CSPP1: variants seen among roughly 807,000 people sequenced by gnomAD.
CSPP1 encodes centrosome and spindle pole associated protein 1, also known as centrosome and spindle pole-associated protein 1.
A neutral mutation model predicts 164.4 loss-of-function variants in CSPP1; 126 were observed. That is an observed-to-expected ratio of 0.77 (90% confidence interval 0.66 to 0.89). CSPP1 has a LOEUF of 0.89. CSPP1 is among the 40% of genes least tolerant of loss of function. The probability of loss-of-function intolerance (pLI) is 0.00; values close to 1 mark genes in which losing one functional copy is unlikely to be tolerated. For synonymous variants in CSPP1, 472 were observed against 476.7 expected (o/e 0.99, Z 0.13); for missense variants, 1,395 against 1,449.8 (o/e 0.96, Z 0.61).
At chr8:67,079,658 T>G (rs1261895421) in intron 3 of CSPP1, among the ~76,000 whole-genome samples, 1 of 152,270 alleles carries the variant, frequency 6.6e-6, no homozygotes, top group Non-Finnish European at 1.5e-5. Context: ...TCAAACCCTT[T>G]GATGGCTTCT....
At chr8:67,067,541 G>A (rs1805832677) in intron 1 of CSPP1, among the ~76,000 whole-genome samples, 1 of 152,086 alleles carries the variant, frequency 6.6e-6, no homozygotes, top group Admixed American at 6.5e-5. Flanking sequence ...TCAGCTCACT[G>A]CAAGCTCTGC....
chr8:67,107,983 G>GTTTTTT (rs34204898), intron 9 of CSPP1, among the ~76,000 whole-genome samples: 29 of 127,134 alleles, frequency 2.3e-4, no homozygotes, highest in Non-Finnish European at 2.8e-4. Context: ...CTTTGACAAA[G>GTTTTTT]TTTTTTTTTT....
intron 17 of CSPP1, among the ~76,000 whole-genome samples, chr8:67,140,679 G>A (rs1278198468): frequency 6.6e-6 from 1 of 152,184 alleles, no homozygotes; most frequent in East Asian, 1.9e-4. Context: ...AATGGAAAGT[G>A]CTGTAATAAT....
intron 19 of CSPP1, chr8:67,157,871 A>G (rs1586590821): frequency 1.3e-5 from 2 of 152,282 alleles, no homozygotes; most frequent in South Asian, 4.1e-4. Context: ...AGTCCTTGTG[A>G]CCTAAATCCT....
At chr8:67,148,022 G>T (rs1393911317) in intron 17 of CSPP1, among the ~76,000 whole-genome samples, 1 of 150,964 alleles carries the variant, frequency 6.6e-6, no homozygotes, top group Non-Finnish European at 1.5e-5. Flanking sequence ...CGGCTTAAGT[G>T]ATCCTCCCAC....
At chr8:67,167,118 ACTT>A (rs1829470509) in intron 24 of CSPP1, among the ~76,000 whole-genome samples, 1 of 152,202 alleles carries the variant, frequency 6.6e-6, no homozygotes, top group Non-Finnish European at 1.5e-5. Context: ...TCCTATGTCT[ACTT>A]CTTTCTACAC....
intron 28 of CSPP1, among the ~76,000 whole-genome samples, chr8:67,188,315 G>A (rs990969291): frequency 7.9e-5 from 12 of 152,180 alleles, no homozygotes; most frequent in Non-Finnish European, 1.8e-4. Context: ...GGCCGACTAA[G>A]AATTCCTAAG....
At chr8:67,167,665 C>T (rs1317696814) in intron 24 of CSPP1, among the ~76,000 whole-genome samples, 17 of 146,328 alleles carry the variant, frequency 1.2e-4, no homozygotes, top group East Asian at 2.1e-4. Flanking sequence ...GACAGGGTTG[C>T]GGCCGGGCAG....
chr8:67,175,142 A>G (rs769550098), intron 25 of CSPP1, 154 bp from the exon 26 acceptor site: 132 of 638,320 alleles, frequency 2.1e-4, no homozygotes, highest in Non-Finnish European at 3.3e-4. Context: ...TTTTGTGGCT[A>G]TTTTACTGTC....
At position 67,149,768 on chromosome 8, in the gene CSPP1, A is replaced by AT; in HGVS notation, c.1976-9dup. On this transcript the variant is annotated splice_polypyrimidine_tract_variant and intron_variant, in intron 17 of 30. Coordinates refer to ENST00000678616, the MANE Select transcript of CSPP1 (RefSeq NM_001382391.1). ...ATGTGTTTATTGAAATAAATGGCTT[A>AT]TTTTTTCCTCTCAGCTGATTTGAAT... The AT allele has an allele frequency of 2.0e-6, 3 of 1,500,460 alleles. No homozygotes were observed. The highest frequency in any genetic ancestry group is 1.4e-5 in the South Asian group (1 of 71,998). 92.9% of individuals were successfully genotyped at this position (1,500,460 alleles called of 1,614,324 possible).
chr8:67,167,500 C>A (rs1279656794), intron 24 of CSPP1, among the ~76,000 whole-genome samples: 1 of 144,254 alleles, frequency 6.9e-6, no homozygotes, highest in East Asian at 2.1e-4. Context: ...ACTTCCCAGA[C>A]GGGGCAGCTG....
chr8:67,074,767 A>G (rs1247221243), intron 2 of CSPP1: 1 of 303,096 alleles, frequency 3.3e-6, no homozygotes, highest in Non-Finnish European at 6.2e-6. Context: ...TTCTTAATAT[A>G]AATTTCTTAA....
At chr8:67,077,674 T>C (rs1808249373) in intron 3 of CSPP1, among the ~76,000 whole-genome samples, 1 of 152,220 alleles carries the variant, frequency 6.6e-6, no homozygotes, top group South Asian at 2.1e-4. Context: ...TTGTGATTTA[T>C]TGATGATGAC....
chr8:67,158,590 G>C lies in CSPP1; in HGVS notation c.2385G>C (p.Glu795Asp). 1.3e-6 allele frequency: 2 copies of C among 1,587,960 alleles called. No homozygotes were observed. Among genetic ancestry groups the C allele is most frequent in the Non-Finnish European group, 1.7e-6 (2 of 1,167,474 alleles). Residue 795 changes from glutamate (E) to aspartate (D), a missense_variant, in exon 20 of 31, where the codon GAG becomes GAC. Glu to Asp is a conservative substitution (Grantham distance 45). Transcript: ENST00000678616. ...AACAGGAAAAGAAAAGAGAGAAAGA[G>C]GAGGAGGTACATCTTTTTTCCCTAT... ...EEEQEKKREKEEEQRLKNEEH... is the reference protein window; with the variant it reads ...EEEQEKKREKDEEQRLKNEEH...
intron 15 of CSPP1, among the ~76,000 whole-genome samples, chr8:67,125,071 GTTCT>G (rs1819797960): frequency 6.6e-6 from 1 of 152,034 alleles, no homozygotes; most frequent in Admixed American, 6.5e-5. Flanking sequence ...CTTTACTGGC[GTTCT>G]TTATTTGTTT....
intron 15 of CSPP1, among the ~76,000 whole-genome samples, chr8:67,131,260 AC>A (rs1243353532): frequency 6.6e-6 from 1 of 151,954 alleles, no homozygotes; most frequent in Non-Finnish European, 1.5e-5. Flanking sequence ...GGTGATGTGC[AC>A]CTATACCCCC....
At chr8:67,065,048 C>G (rs1488269090) in intron 1 of CSPP1, 1 of 154,274 alleles carries the variant, frequency 6.5e-6, no homozygotes, top group Non-Finnish European at 1.4e-5. Flanking sequence ...GGCCAGGCCC[C>G]CCCTGCTCCG....
At chr8:67,090,283 CACTT>C (rs1811337884) in intron 4 of CSPP1, among the ~76,000 whole-genome samples, 1 of 151,936 alleles carries the variant, frequency 6.6e-6, no homozygotes, top group South Asian at 2.1e-4. Context: ...GATTTAATGA[CACTT>C]TATTTATTTA....
In CSPP1 at chr8:67,095,369, A is replaced by G. The variant is rs906319640; in HGVS notation, c.560A>G (p.Glu187Gly). ...ACTTCACAAATACAGACATCTTGTGAAAATTCAGAGGGTCCTAGAAAAGAT... is the reference window on the plus strand; with the variant it reads ...ACTTCACAAATACAGACATCTTGTGGAAATTCAGAGGGTCCTAGAAAAGAT... Reference protein sequence around the residue: ...DLTSQIQTSCENSEGPRKDVL... With the variant: ...DLTSQIQTSCGNSEGPRKDVL... Residue 187 changes from glutamate to glycine, a missense_variant, in exon 7 of 31, where the codon GAA (glutamate) becomes GGA (glycine). By Grantham distance (98) the Glu-to-Gly change is moderately conservative. Transcript: ENST00000678616. 11 of 1,607,988 alleles carry G rather than the reference A, an allele frequency of 6.8e-6. No individual in the cohort carries two copies. Among genetic ancestry groups the G allele is most frequent in the Non-Finnish European group, 9.3e-6 (11 of 1,178,480 alleles).
Sources: gnomAD v4.1 joint callset for allele counts (sites outside exome capture counted in the v4.1 genomes callset) on GRCh38, gnomAD v4.1.1 for gene constraint, MANE v1.5 for transcripts, NCBI Gene and HGNC (gene_info 2026-07-23, HGNC 2026-07-21) for gene names.